Variants in GLI1 observed in about 807,000 individuals in gnomAD.
GLI1 encodes the protein GLI family zinc finger 1.
In GLI1, 51 loss-of-function variants were observed where a neutral mutation model predicts 87.8. That is an observed-to-expected ratio of 0.58 (90% CI 0.46 to 0.73). GLI1 has a LOEUF of 0.73. GLI1 is among the 30% of genes least tolerant of loss of function. The pLI is 0.00. For missense variants in GLI1, 1,292 were observed against 1,437.2 expected (o/e 0.90, Z 1.63); for synonymous variants, 528 against 558.2 (o/e 0.95, Z 0.76).
At position 57,471,741 on chromosome 12, in the gene GLI1, C is replaced by T; in HGVS notation, c.3001C>T (p.Pro1001Ser). The T allele has an allele frequency of 6.4e-7, 1 of 1,571,690 alleles. No individual in the cohort carries two copies. Among genetic ancestry groups the T allele is most frequent in the East Asian group, 2.2e-5 (1 of 44,616 alleles). The change falls in exon 12 of 12, where the codon CCT becomes TCT. Residue 1001 changes from proline to serine, a missense_variant. Physicochemically the swap from Pro to Ser is moderately conservative, Grantham distance 74 (BLOSUM62 -1). Transcript: ENST00000228682. This position sits in a 1 kb window ranked among gnomAD's most constrained non-coding sequence, Gnocchi z 4.9. ...LLPPLPTCYG[P>S]LKVGGTNPSC... ...GCCCCCATTGCCCACTTGCTATGGG[C>T]CTCTCAAAGTGGGAGGCACAAACCC...
rs374770255 is a variant in GLI1, at chr12:57,470,714, G to C, written c.1974G>C (p.Lys658Asn). The stretch of plus-strand genomic sequence containing the variant: ...CTCCAGCTAGAGTCCAGAGGTTCAA[G>C]AGCCTGGGCTGTGTCCATACCCCAC... The part of the protein sequence containing the change: ...RPAPARVQRF[K>N]SLGCVHTPPT... The change falls in exon 12 of 12, where the codon AAG becomes AAC. Residue 658 changes from lysine to asparagine, a missense_variant. Physicochemically the swap from Lys to Asn is moderately conservative, Grantham distance 94 (BLOSUM62 0). Coordinates refer to ENST00000228682, the MANE Select transcript of GLI1 (RefSeq NM_005269.3). 3.2e-5 allele frequency: 52 copies of C among 1,612,488 alleles called. No individual in the cohort carries two copies. The highest frequency in any genetic ancestry group is 4.3e-5 in the Non-Finnish European group (51 of 1,179,318).
At chr12:57,460,526 G>A (rs1871067521) in intron 1 of GLI1, 1 of 152,560 alleles carries the variant, frequency 6.6e-6, no homozygotes, top group Admixed American at 6.5e-5. Flanking sequence ...TGGCTAGCTG[G>A]AGGTCTGCGT....
Position 57,471,113 on chromosome 12 carries a change from A to G in GLI1, c.2373A>G (p.Pro791=). ...TCCCTTCCCACTCTGGGCTGTACCC[A>G]GGCCCCAAGGCTCTAGGTGGAACCT... is the stretch of plus-strand genomic sequence containing the variant. ...GEFPSHSGLY[P]GPKALGGTYS... Residue 791 remains proline, a synonymous_variant, in exon 12 of 12, where the codon CCA becomes CCG. Transcript: ENST00000228682. This position sits in a 1 kb window ranked among gnomAD's most constrained non-coding sequence, Gnocchi z 4.9. 6.2e-7 allele frequency: 1 copy of G among 1,613,358 alleles called. No individual in the cohort carries two copies. The highest frequency in any genetic ancestry group is 8.5e-7 in the Non-Finnish European group (1 of 1,179,674).
At chr12:57,464,314 G>T (rs1429489705) in intron 3 of GLI1, among the ~76,000 whole-genome samples, 1 of 152,068 alleles carries the variant, frequency 6.6e-6, no homozygotes, top group East Asian at 1.9e-4. Context: ...TTGAGGTCGG[G>T]AATTCAAGAC....
chr12:57,465,680 A>G lies in GLI1; in HGVS notation c.608A>G (p.Asn203Ser). The change falls in exon 6 of 12, where the codon AAC (asparagine) becomes AGC (serine). Residue 203 changes from asparagine to serine, a missense_variant. Physicochemically the swap from Asn to Ser is conservative, Grantham distance 46. Transcript: ENST00000228682. ...TTGGAAGGTGATATGTCCAGCCCCA[A>G]CTCCACAGGCATACAGGTAAGGGGA... Reference protein sequence around the residue: ...EPLEGDMSSPNSTGIQDPLLG... With the variant: ...EPLEGDMSSPSSTGIQDPLLG... 4 of 1,614,024 alleles carry G rather than the reference A, an allele frequency of 2.5e-6. No homozygotes were observed. Among genetic ancestry groups the G allele is most frequent in the East Asian group, 2.2e-5 (1 of 44,882 alleles).
In GLI1 at chr12:57,470,444, C is replaced by G. The variant is rs774389140; in HGVS notation, c.1704C>G (p.Gly568=). 7 of 1,614,038 alleles carry G rather than the reference C, an allele frequency of 4.3e-6. No individual in the cohort carries two copies. The South Asian group carries it at 7.7e-5, about 18-fold the overall frequency. Residue 568 remains glycine (G), a synonymous_variant, in exon 12 of 12, where the codon GGC becomes GGG. Coordinates refer to ENST00000228682, the MANE Select transcript of GLI1 (RefSeq NM_005269.3). ...RSSLASPFPP[G]SPPENGASSL... Reference sequence around the variant, plus strand: ...CCCTGGCCTCTCCTTTCCCCCCTGGCTCCCCACCAGAGAATGGAGCATCCT... The same window carrying G: ...CCCTGGCCTCTCCTTTCCCCCCTGGGTCCCCACCAGAGAATGGAGCATCCT...
chr12:57,465,292 C>A, intron 5 of GLI1, 37 bp downstream of exon 5: 1 of 1,543,906 alleles, frequency 6.5e-7, no homozygotes, highest in Non-Finnish European at 8.8e-7. Flanking sequence ...TTTCCCTCAG[C>A]TCAGGGTGGG....
At chr12:57,466,206 G>C in intron 7 of GLI1, 34 bp from the exon 8 acceptor site, 15 of 1,593,544 alleles carry the variant, frequency 9.4e-6, no homozygotes, top group Non-Finnish European at 1.3e-5. Flanking sequence ...GGTCATGGGA[G>C]AGCCTTGGAG....
Position 57,470,309 on chromosome 12 carries a change from A to G in GLI1, c.1577-8A>G. ...GACCATCCTACCTTTTCTCCCCATC[A>G]CTTGCAGGTACCACTGTGTCCCGCC... On this transcript the variant is annotated splice_region_variant and splice_polypyrimidine_tract_variant and intron_variant, in intron 11 of 11. Coordinates refer to ENST00000228682, the MANE Select transcript of GLI1 (RefSeq NM_005269.3). The G allele has an allele frequency of 3.3e-6, 5 of 1,534,616 alleles. No homozygotes were observed. Among genetic ancestry groups the G allele is most frequent in the Non-Finnish European group, 4.4e-6 (5 of 1,140,314 alleles).
At chr12:57,467,851 C>T in intron 9 of GLI1, 143 bp from the exon 10 acceptor site, 1 of 630,886 alleles carries the variant, frequency 1.6e-6, no homozygotes, top group Non-Finnish European at 2.8e-6. Context: ...CTTTGACTCC[C>T]ACCGGAGGCC....
chr12:57,467,556 CCCCATAAGAAAT>C, intron 9 of GLI1, 59 bp downstream of exon 9: 1 of 1,399,526 alleles, frequency 7.1e-7, no homozygotes, highest in East Asian at 2.4e-5. Flanking sequence ...AGGGAGATTC[CCCCATAAGAAAT>C]CCCTTAGCCC....
At position 57,464,816 on chromosome 12, in the gene GLI1, C is replaced by A. The variant is rs748321474; in HGVS notation, c.337C>A (p.Arg113=). Residue 113 remains arginine, a synonymous_variant, in exon 4 of 12, where the codon CGA becomes AGA. Coordinates refer to ENST00000228682, the MANE Select transcript of GLI1 (RefSeq NM_005269.3). ...PSSLVAFINS[R]CTSPGGSYGH... ...CTCCCTCGTAGCTTTCATCAACTCG[C>A]GATGCACATCTCCAGGAGGCTCCTA... is the stretch of plus-strand genomic sequence containing the variant. 1.9e-6 allele frequency: 3 copies of A among 1,613,984 alleles called. No individual in the cohort carries two copies. Among genetic ancestry groups the A allele is most frequent in the African/African-American group, 2.7e-5 (2 of 75,026 alleles).
chr12:57,463,665 T>C lies in GLI1; in HGVS notation c.-27T>C. On this transcript the variant is annotated splice_region_variant and 5_prime_UTR_variant, in exon 2 of 12. Coordinates refer to ENST00000228682, the MANE Select transcript of GLI1 (RefSeq NM_005269.3). ...TTATACCTACCTTCCCTTTCTGCAG[T>C]GTCCCCACACCCTCCTCTGAGACGC... 1 of 1,388,044 alleles carries C rather than the reference T, an allele frequency of 7.2e-7. No individual in the cohort carries two copies. The highest frequency in any genetic ancestry group is 1.0e-6 in the Non-Finnish European group (1 of 975,938). 86.0% of individuals were successfully genotyped at this position (1,388,044 alleles called of 1,614,324 possible).
In GLI1 at chr12:57,460,220, C is replaced by CG. The variant is rs1871040449; in HGVS notation, c.-28+24dup. The CG allele has an allele frequency of 7.3e-6, 1 of 136,208 alleles. No homozygotes were observed. The highest frequency in any genetic ancestry group is 1.6e-5 in the Non-Finnish European group (1 of 62,782). 8.4% of individuals were successfully genotyped at this position (136,208 alleles called of 1,614,324 possible). On this transcript the variant is annotated intron_variant, in intron 1 of 11. Transcript: ENST00000228682. Reference sequence around the variant, plus strand: ...GACAGAGGTGAGAAGGGGGGGCAGGCGGGGGACCACCTGGGAGCAGTGGGG... The same window carrying CG: ...GACAGAGGTGAGAAGGGGGGGCAGGCGGGGGGACCACCTGGGAGCAGTGGGG...
In GLI1 at chr12:57,468,112, G is replaced by A. The variant is rs771013899; in HGVS notation, c.1196G>A (p.Gly399Glu). The A allele has an allele frequency of 1.9e-6, 3 of 1,614,146 alleles. No individual in the cohort carries two copies. Among genetic ancestry groups the A allele is most frequent in the Non-Finnish European group, 2.5e-6 (3 of 1,179,976 alleles). The change falls in exon 10 of 12, where the codon GGG becomes GAG. Residue 399 changes from glycine (G) to glutamate (E), a missense_variant. Gly to Glu is a moderately conservative substitution (Grantham distance 98). This residue lies in a region of GLI1 where 897 missense variants were observed against 1,040.7 expected (regional missense o/e 0.86). Coordinates refer to ENST00000228682, the MANE Select transcript of GLI1 (RefSeq NM_005269.3). ...PDAHVTKRHR[G>E]DGPLPRAPSI... ...GCCCATGTGACCAAACGGCACCGTG[G>A]GGATGGCCCCCTGCCTCGGGCACCA...
In GLI1 at chr12:57,465,158, C is replaced by T. The variant is rs754019701; in HGVS notation, c.437C>T (p.Ser146Leu). 8.1e-6 allele frequency: 13 copies of T among 1,613,840 alleles called. No homozygotes were observed. Among genetic ancestry groups the T allele is most frequent in the Middle Eastern group, 3.3e-4 (2 of 6,078 alleles). Residue 146 changes from serine (S) to leucine (L), a missense_variant, in exon 5 of 12, where the codon TCG (serine) becomes TTG (leucine). By Grantham distance (145) the Ser-to-Leu change is moderately radical (BLOSUM62 -2). Coordinates refer to ENST00000228682, the MANE Select transcript of GLI1 (RefSeq NM_005269.3). ...PAQMNHQKGP[S>L]PSFGVQPCGP... Reference sequence around the variant, plus strand: ...CAGATGAATCACCAAAAAGGGCCCTCGCCTTCCTTTGGGGTCCAGCCTTGT... The same window carrying T: ...CAGATGAATCACCAAAAAGGGCCCTTGCCTTCCTTTGGGGTCCAGCCTTGT...
At chr12:57,467,144 C>T (rs569793789) in intron 8 of GLI1, among the ~76,000 whole-genome samples, 189 bp from the exon 9 acceptor site, 3 of 152,264 alleles carry the variant, frequency 2.0e-5, no homozygotes, top group East Asian at 1.9e-4. Flanking sequence ...GGGAGAGTGC[C>T]TCCAACTGCT....
chr12:57,464,525 CAAAA>C (rs79390304), intron 3 of GLI1, 144 bp from the exon 4 acceptor site: 263 of 513,060 alleles, frequency 5.1e-4, no homozygotes, highest in South Asian at 8.6e-4. Context: ...CTGTGTCTCT[CAAAA>C]AAAAAAAAAA....
In GLI1 at chr12:57,466,276, G is replaced by C. The variant is rs2139856027; in HGVS notation, c.799G>C (p.Glu267Gln). ...CGAGCACATCCACGGGGAGCGGAAG[G>C]AGTTCGTGTGCCACTGGGGGGGCTG... is the stretch of plus-strand genomic sequence containing the variant. ...NSEHIHGERK[E>Q]FVCHWGGCSR... The change falls in exon 8 of 12, where the codon GAG (glutamate) becomes CAG (glutamine). Residue 267 changes from glutamate to glutamine, a missense_variant. Around this residue, in one of 3 missense-constraint regions of GLI1, gnomAD observed 383 missense variants for 368.4 expected, o/e 1.04. Transcript: ENST00000228682. 6.2e-7 allele frequency: 1 copy of C among 1,613,972 alleles called. No homozygotes were observed. The highest frequency in any genetic ancestry group is 8.5e-7 in the Non-Finnish European group (1 of 1,179,942).
Sources: allele counts gnomAD v4.1 joint callset (sites outside exome capture counted in the v4.1 genomes callset), GRCh38; gene constraint gnomAD v4.1.1; regional missense constraint gnomAD v4.1.1; non-coding constraint Gnocchi (gnomAD v3.1); transcripts MANE v1.5; gene names NCBI Gene and HGNC (gene_info 2026-07-23, HGNC 2026-07-21).